Variants in SLC16A5 observed in about 807,000 individuals in gnomAD.
SLC16A5 encodes the protein solute carrier family 16 member 5.
A neutral mutation model predicts 33.2 loss-of-function variants in SLC16A5; 29 were observed. That is an observed-to-expected ratio of 0.87 (90% CI 0.65 to 1.19). The LOEUF is 1.19. Ranked by LOEUF, SLC16A5 falls within the 50% of genes most tolerant of loss-of-function variation. The pLI, the probability that SLC16A5 is intolerant of heterozygous loss-of-function variation, is 0.00. For synonymous variants in SLC16A5, 248 were observed against 284.1 expected (o/e 0.87, Z 1.28); for missense variants, 606 against 678.2 (o/e 0.89, Z 1.18).
Position 75,101,082 on chromosome 17 carries a change from A to G in SLC16A5, c.1153+266A>G, listed in dbSNP as rs527862672. Reference sequence around the variant, plus strand: ...GCCAACATGGTGAAACCCCGTCTCTACTAAAAATACAAAAAAATTAGTTGG... The same window carrying G: ...GCCAACATGGTGAAACCCCGTCTCTGCTAAAAATACAAAAAAATTAGTTGG... On this transcript the variant is annotated intron_variant, in intron 5 of 6. Transcript: ENST00000329783. Among the ~76,000 whole-genome samples, 107 of 151,286 alleles carry G rather than the reference A, an allele frequency of 7.1e-4. 1 individual carries two copies. Among genetic ancestry groups the G allele is most frequent in the African/African-American group, 2.6e-3 (105 of 41,172 alleles).
At chr17:75,110,144 A>C (rs2073897227), downstream of SLC16A5, 2 of 722,704 alleles carry the variant, frequency 2.8e-6, no homozygotes. Flanking sequence ...TTACTGCAGA[A>C]TCTGAACCCA....
intron 6 of SLC16A5, chr17:75,105,640 G>T: frequency 1.0e-6 from 1 of 985,376 alleles, no homozygotes; most frequent in Non-Finnish European, 1.2e-6. Context: ...TCCCAGCAGG[G>T]TACCGAGGGA....
At chr17:75,087,546 C>T (rs773093519), upstream of SLC16A5, among the ~76,000 whole-genome samples, 1 of 152,192 alleles carries the variant, frequency 6.6e-6, no homozygotes, top group Non-Finnish European at 1.5e-5. Flanking sequence ...CCGGCAGGCG[C>T]AGCCCTCAAA....
At chr17:75,087,903 CCCCGCCCACACCGCCCTGGG>C (rs888445608), upstream of SLC16A5, 4 of 152,296 alleles carry the variant, frequency 2.6e-5, no homozygotes, top group African/African-American at 9.7e-5. Flanking sequence ...GAAGGTGGGT[CCCCGCCCACACCGCCCTGGG>C]CCCGCCCTGC....
At chr17:75,091,430 A>G (rs987146404) in intron 2 of SLC16A5, among the ~76,000 whole-genome samples, 1 of 152,186 alleles carries the variant, frequency 6.6e-6, no homozygotes, top group Non-Finnish European at 1.5e-5. Context: ...CAGAGGTCGC[A>G]TGCAGAGGGC....
intron 1 of SLC16A5, among the ~76,000 whole-genome samples, chr17:75,088,561 A>C (rs1383327293): frequency 3.3e-5 from 5 of 152,126 alleles, no homozygotes; most frequent in Admixed American, 1.3e-4. Context: ...CTCAGCCCCA[A>C]GCTCAAGCCT....
chr17:75,092,078 C>T (rs1408374854), intron 2 of SLC16A5, among the ~76,000 whole-genome samples: 4 of 151,038 alleles, frequency 2.6e-5, no homozygotes, highest in Non-Finnish European at 5.9e-5. Flanking sequence ...TGCATGTCTG[C>T]ACTGTGTGTG....
At chr17:75,093,977 C>T (rs2073681430) in intron 3 of SLC16A5, 142 bp downstream of exon 3, 1 of 1,283,640 alleles carries the variant, frequency 7.8e-7, no homozygotes, top group Admixed American at 2.8e-5. Flanking sequence ...CAGATTTCAC[C>T]AGGGGCCCCT....
At chr17:75,108,961 TTC>T (rs144155930), downstream of SLC16A5, among the ~76,000 whole-genome samples, 10 of 152,220 alleles carry the variant, frequency 6.6e-5, no homozygotes, top group Admixed American at 5.9e-4. Context: ...GGTTTTTTTG[TTC>T]TGTTTTTTAA....
At chr17:75,091,691 C>T (rs991896669) in intron 2 of SLC16A5, among the ~76,000 whole-genome samples, 1 of 152,122 alleles carries the variant, frequency 6.6e-6, no homozygotes, top group African/African-American at 2.4e-5. Flanking sequence ...GGTAGATGTC[C>T]GAGTTTCCCC....
At chr17:75,089,573 G>A (rs1477166292) in intron 2 of SLC16A5, among the ~76,000 whole-genome samples, 2 of 151,870 alleles carry the variant, frequency 1.3e-5, no homozygotes, top group Non-Finnish European at 2.9e-5. Context: ...GGCCGATATG[G>A]TGAAACCCCG....
intron 2 of SLC16A5, among the ~76,000 whole-genome samples, chr17:75,092,822 CGTGT>C (rs10541835): frequency 0.077 from 10,427 of 135,720 alleles, 606 homozygotes; most frequent in African/African-American, 0.17. Flanking sequence ...TGTGCCACTG[CGTGT>C]GTGTGTGTGT....
chr17:75,094,787 G>T (rs2073694202), intron 3 of SLC16A5, among the ~76,000 whole-genome samples: 1 of 152,172 alleles, frequency 6.6e-6, no homozygotes. Flanking sequence ...GGGTGAGGGA[G>T]GAAGGCAGCC....
intron 3 of SLC16A5, among the ~76,000 whole-genome samples, chr17:75,096,496 G>T (rs552563170): frequency 6.6e-6 from 1 of 150,980 alleles, no homozygotes; most frequent in South Asian, 2.1e-4. Context: ...TTATGTCTGC[G>T]ACGGGCTGCT....
At chr17:75,093,890 A>G (rs1371897644) in intron 3 of SLC16A5, 55 bp downstream of exon 3, 2 of 1,573,554 alleles carry the variant, frequency 1.3e-6, no homozygotes, top group South Asian at 1.2e-5. Context: ...CGGGGAAGCC[A>G]CAACCTCCCT....
chr17:75,100,138 T>TC lies in SLC16A5; in HGVS notation c.478dup (p.Arg160ProfsTer40), dbSNP rs1284091628. ...GGGCATCACCCTCTGGCCGCTGCTC[T>TC]CCCGCTACCTTCTGGAGAACCTGGG... On this transcript the variant is annotated frameshift_variant, in exon 5 of 7. Coordinates refer to ENST00000329783, the MANE Select transcript of SLC16A5 (RefSeq NM_004695.4). LOFTEE classifies it high-confidence loss of function. The TC allele has an allele frequency of 3.1e-6, 5 of 1,614,068 alleles. No individual in the cohort carries two copies.
At chr17:75,088,820 T>C (rs2073601835) in intron 1 of SLC16A5, 1 of 152,182 alleles carries the variant, frequency 6.6e-6, no homozygotes, top group Admixed American at 6.5e-5. Flanking sequence ...GACCAGGCGT[T>C]CGAGCTCCAG....
At position 75,104,002 on chromosome 17, in the gene SLC16A5, T is replaced by TAAAGTTTTCTAC. The variant is rs1371760720; in HGVS notation, c.1187_1188insAAGTTTTCTACA (p.Tyr396delinsTer). ...CCTGGACGCCACCAACAACTTTAGCTATGTTTTCTACATGTCCAGCTTCTT... is the reference window on the plus strand; with the variant it reads ...CCTGGACGCCACCAACAACTTTAGCTAAAGTTTTCTACATGTTTTCTACATGTCCAGCTTCTT... On this transcript the variant is annotated stop_gained, in exon 6 of 7. Transcript: ENST00000329783. LOFTEE classifies it high-confidence loss of function. 1 of 1,614,234 alleles carries TAAAGTTTTCTAC rather than the reference T, an allele frequency of 6.2e-7. No homozygotes were observed. The highest frequency in any genetic ancestry group is 8.5e-7 in the Non-Finnish European group (1 of 1,180,038).
At chr17:75,099,887 G>C in intron 4 of SLC16A5, 120 bp from the exon 5 acceptor site, 1 of 945,640 alleles carries the variant, frequency 1.1e-6, no homozygotes, top group South Asian at 1.7e-5. Context: ...GGGACTTGGA[G>C]CTGGGTATGG....
Sources: gnomAD v4.1 joint callset for allele counts (sites outside exome capture counted in the v4.1 genomes callset) on GRCh38, gnomAD v4.1.1 for gene constraint, MANE v1.5 for transcripts, NCBI Gene and HGNC (gene_info 2026-07-23, HGNC 2026-07-21) for gene names.